The following RNF38 variants were observed in gnomAD, a reference collection of about 807,000 sequenced individuals.
The protein encoded by RNF38 is ring finger protein 38.
In RNF38, 15 loss-of-function variants were observed where a neutral mutation model predicts 67.2. The ratio of observed to expected loss-of-function variants is 0.22; its 90% CI spans 0.15 to 0.34. RNF38 has a LOEUF of 0.34. Among genes scored for constraint, RNF38 ranks in the 10% least tolerant of loss-of-function variants. The pLI is 1.00. For missense variants in RNF38, 524 were observed against 639.9 expected (o/e 0.82, Z 1.95); for synonymous variants, 220 against 218.8 (o/e 1.01, Z -0.05).
chr9:36,376,069 G>A lies in RNF38; in HGVS notation c.221C>T (p.Thr74Ile), dbSNP rs1223362730. 1.2e-6 allele frequency: 2 copies of A among 1,613,176 alleles called. No individual in the cohort carries two copies. The highest frequency in any genetic ancestry group is 1.7e-6 in the Non-Finnish European group (2 of 1,179,708). ...QRLSHSVFDY[T>I]SASPAPSPPM... ...TGGTGAGGGAGCTGGTGATGCTGATGTATAATCAAAGACTGAATGAGAGAG... is the reference window on the plus strand; with the variant it reads ...TGGTGAGGGAGCTGGTGATGCTGATATATAATCAAAGACTGAATGAGAGAG... Residue 74 changes from threonine (T) to isoleucine (I), a missense_variant, in exon 3 of 12, where the codon ACA becomes ATA. Thr to Ile is a moderately conservative substitution (Grantham distance 89, BLOSUM62 -1). Around this residue, in one of 2 missense-constraint regions of RNF38, gnomAD observed 461 missense variants for 517.4 expected, o/e 0.89. Coordinates refer to ENST00000259605, the MANE Select transcript of RNF38 (RefSeq NM_022781.5).
chr9:36,345,910 C>A lies in RNF38; in HGVS notation c.1264-957G>T, dbSNP rs1289707717. Among the ~76,000 whole-genome samples, 5 of 152,284 alleles carry A rather than the reference C, an allele frequency of 3.3e-5. No homozygotes were observed. In the East Asian group the frequency reaches 7.7e-4, roughly 24 times the overall value. On this transcript the variant is annotated intron_variant, in intron 9 of 11. Transcript: ENST00000259605. ...CCCACTGGGTTTAACAAATCCCTTG[C>A]CCCCTTGTCCTATAAATAGGGAGAT...
chr9:36,409,555 T>A (rs1838272448), intron 2 of RNF38, among the ~76,000 whole-genome samples: 1 of 152,214 alleles, frequency 6.6e-6, no homozygotes, highest in Admixed American at 6.5e-5. Flanking sequence ...GAACACACTT[T>A]CTTTCCTCTA....
Position 36,407,094 on chromosome 9 carries a change from A to G in RNF38, n.313-16478T>C, listed in dbSNP as rs189372122. ...AGCATTTAGCCTACGCAGTATCTACAAGCATGCTACAACTTGATCTACTAC... is the reference window on the plus strand; with the variant it reads ...AGCATTTAGCCTACGCAGTATCTACGAGCATGCTACAACTTGATCTACTAC... On this transcript the variant is annotated intron_variant and non_coding_transcript_variant, in intron 2 of 3. Transcript: ENST00000488058. Among the ~76,000 whole-genome samples, 211 of 152,360 alleles carry G rather than the reference A, an allele frequency of 1.4e-3. 1 individual carries two copies. The highest frequency in any genetic ancestry group is 2.8e-3 in the Non-Finnish European group (190 of 68,036).
At chr9:36,385,729 C>T (rs1465721929) in intron 2 of RNF38, among the ~76,000 whole-genome samples, 2 of 152,164 alleles carry the variant, frequency 1.3e-5, no homozygotes, top group Non-Finnish European at 2.9e-5. Flanking sequence ...GAAGTATGCT[C>T]AGCAAATTGA....
At chr9:36,443,001 TAC>T (rs1839227016) in intron 1 of RNF38, among the ~76,000 whole-genome samples, 1 of 152,210 alleles carries the variant, frequency 6.6e-6, no homozygotes, top group South Asian at 2.1e-4. Flanking sequence ...CCAAGGGAAT[TAC>T]ACAGTGATGT....
At chr9:36,393,486 T>TGTGTGC (rs1837279626) in intron 1 of RNF38, among the ~76,000 whole-genome samples, 1 of 135,052 alleles carries the variant, frequency 7.4e-6, no homozygotes, top group Admixed American at 7.2e-5. Flanking sequence ...ATTGTGTGTG[T>TGTGTGC]GTGTGTGTGT....
chr9:36,441,330 ATT>A (rs753735428), intron 1 of RNF38, among the ~76,000 whole-genome samples: 53 of 142,600 alleles, frequency 3.7e-4, no homozygotes, highest in Admixed American at 5.6e-4. Context: ...TAAATTACCA[ATT>A]TTTTTTTTTT....
At chr9:36,469,786 G>A (rs1413887850) in intron 1 of RNF38, among the ~76,000 whole-genome samples, 3 of 152,072 alleles carry the variant, frequency 2.0e-5, no homozygotes, top group African/African-American at 4.8e-5. Context: ...GACCAGCCTG[G>A]CCAACATGGC....
chr9:36,354,402 C>T lies in RNF38; in HGVS notation c.910-1071G>A, dbSNP rs538594339. On this transcript the variant is annotated intron_variant, in intron 6 of 11. Transcript: ENST00000259605. The stretch of plus-strand genomic sequence containing the variant: ...GACTTTAGTAGAGACAGGGTTTCAC[C>T]GTGTTAGCCAGGATGGTCTCGATCT... 5.9e-5 allele frequency among the ~76,000 whole-genome samples: 9 copies of T among 152,248 alleles called. No homozygotes were observed. In the East Asian group the frequency reaches 9.7e-4, roughly 16 times the overall value.
Position 36,386,145 on chromosome 9 carries a change from C to T in RNF38, c.162+4322G>A, listed in dbSNP as rs75390786. 7.8e-3 allele frequency among the ~76,000 whole-genome samples: 1,183 copies of T among 152,278 alleles called. 15 individuals carry two copies. Among genetic ancestry groups the T allele is most frequent in the African/African-American group, 0.027 (1,123 of 41,548 alleles). ...CCTAACTACGATGATTTAAAATTCACGGTCTGAAACCAGAATTACTTTTGC... is the reference window on the plus strand; with the variant it reads ...CCTAACTACGATGATTTAAAATTCATGGTCTGAAACCAGAATTACTTTTGC... On this transcript the variant is annotated intron_variant, in intron 2 of 11. Coordinates refer to ENST00000259605, the MANE Select transcript of RNF38 (RefSeq NM_022781.5).
At chr9:36,437,559 A>G (rs7857148) in intron 1 of RNF38, among the ~76,000 whole-genome samples, 2 of 148,768 alleles carry the variant, frequency 1.3e-5, no homozygotes, top group African/African-American at 4.9e-5. Flanking sequence ...AAGGTTGAAA[A>G]AAAAAAAAAA....
chr9:36,336,600 CTA>C lies in RNF38; in HGVS notation c.*3150_*3151del, dbSNP rs886941790. The C allele has an allele frequency of 1.3e-5, 2 of 152,498 alleles. No individual in the cohort carries two copies. The highest frequency in any genetic ancestry group is 4.8e-5 in the African/African-American group (2 of 41,408). The allele number at this position is 152,498 out of a possible 1,614,324, so 9.4% of individuals were successfully genotyped here. A position where few individuals can be genotyped will look rare whatever the true frequency, so the allele number is the denominator to read the frequency against. On this transcript the variant is annotated 3_prime_UTR_variant, in exon 12 of 12. Transcript: ENST00000259605. ...ATATTTATAATACATACATTTAAAA[CTA>C]TATGTTAACTGATACAATGGAATAT...
In RNF38 at chr9:36,337,111, CCAA is replaced by C. The variant is rs1487172279; in HGVS notation, c.*2638_*2640del. 1 of 152,206 alleles carries C rather than the reference CCAA, an allele frequency of 6.6e-6. No individual in the cohort carries two copies. The highest frequency in any genetic ancestry group is 2.1e-4 in the South Asian group (1 of 4,838). The allele number at this position is 152,206 out of a possible 1,614,324, so 9.4% of individuals were successfully genotyped here. On this transcript the variant is annotated 3_prime_UTR_variant, in exon 12 of 12. Coordinates refer to ENST00000259605, the MANE Select transcript of RNF38 (RefSeq NM_022781.5). ...AGGAAAGAGGACGAAGGCCAATGAACCAACATCTGCCTGCTATCTGGTGCATCA... is the reference window on the plus strand; with the variant it reads ...AGGAAAGAGGACGAAGGCCAATGAACCATCTGCCTGCTATCTGGTGCATCA...
At chr9:36,454,756 A>C (rs1839545236) in intron 1 of RNF38, among the ~76,000 whole-genome samples, 1 of 150,340 alleles carries the variant, frequency 6.7e-6, no homozygotes, top group Non-Finnish European at 1.5e-5. Flanking sequence ...CTAATTTTCT[A>C]TATTTTTAGT....
chr9:36,391,672 G>A (rs1445291391), intron 1 of RNF38, among the ~76,000 whole-genome samples: 1 of 149,422 alleles, frequency 6.7e-6, no homozygotes, highest in Non-Finnish European at 1.5e-5. Flanking sequence ...GAGTGCAGTG[G>A]TGCCATCTCG....
intron 1 of RNF38, among the ~76,000 whole-genome samples, chr9:36,465,372 G>GT (rs1258668513): frequency 2.0e-5 from 3 of 152,086 alleles, no homozygotes; most frequent in Admixed American, 6.6e-5. Flanking sequence ...TCAAGATGGA[G>GT]TTTCGCTCTT....
chr9:36,378,904 C>CG (rs1554685313), intron 2 of RNF38, among the ~76,000 whole-genome samples: 1 of 144,790 alleles, frequency 6.9e-6, no homozygotes, highest in Non-Finnish European at 1.5e-5. Flanking sequence ...TTTCTTTTTC[C>CG]TTTTTTTTTT....
At chr9:36,356,201 GTTC>G (rs1271619440) in intron 6 of RNF38, 99 bp downstream of exon 6, 2 of 1,139,576 alleles carry the variant, frequency 1.8e-6, no homozygotes, top group East Asian at 5.1e-5. Flanking sequence ...CATTCGTCTG[GTTC>G]TTAAATCCAC....
At chr9:36,442,907 G>T (rs1406063241) in intron 1 of RNF38, among the ~76,000 whole-genome samples, 1 of 152,240 alleles carries the variant, frequency 6.6e-6, no homozygotes, top group African/African-American at 2.4e-5. Flanking sequence ...TAGGCTACAA[G>T]TGGCTGGCTC....
Sources: gnomAD v4.1 joint callset for allele counts (sites outside exome capture counted in the v4.1 genomes callset) on GRCh38, gnomAD v4.1.1 for gene constraint, gnomAD v4.1.1 regional missense constraint, MANE v1.5 for transcripts, NCBI Gene and HGNC (gene_info 2026-07-23, HGNC 2026-07-21) for gene names.